Variants in FAM124B observed in about 807,000 individuals in gnomAD.
FAM124B encodes the protein family with sequence similarity 124 member B, also known as protein FAM124B.
FAM124B carries 18 observed loss-of-function variants against 19.7 expected under a neutral mutation model. The ratio of observed to expected loss-of-function variants is 0.92; its 90% CI spans 0.63 to 1.36. The LOEUF (loss-of-function observed/expected upper bound fraction) is 1.36. FAM124B is among the 40% of genes most tolerant of loss of function. The probability of loss-of-function intolerance (pLI) is 0.00; values close to 1 mark genes in which losing one functional copy is unlikely to be tolerated. For missense variants in FAM124B, 540 were observed against 553.3 expected, an observed-to-expected ratio of 0.98 and a Z score of 0.24; for synonymous variants, 223 against 225.2, an observed-to-expected ratio of 0.99 and a Z score of 0.09.
In FAM124B at chr2:224,401,279, C is replaced by T. The variant is rs1417136601; in HGVS notation, c.490G>A (p.Ala164Thr). The change falls in exon 1 of 2, where the codon GCG becomes ACG. Residue 164 changes from alanine (A) to threonine (T), a missense_variant. Transcript: ENST00000409685. ...RLYEMILQRE[A>T]TLQKSNFCFF... ...CAAAAATTGCTCTTTTGCAAGGTCG[C>T]TTCTCTCTGCAGGATCATCTCGTAG... The T allele has an allele frequency of 1.9e-6, 3 of 1,613,958 alleles. No individual in the cohort carries two copies. The highest frequency in any genetic ancestry group is 1.3e-5 in the African/African-American group (1 of 74,882).
At chr2:224,389,934 G>T (rs1689853037) in intron 1 of FAM124B, among the ~76,000 whole-genome samples, 1 of 151,940 alleles carries the variant, frequency 6.6e-6, no homozygotes, top group African/African-American at 2.4e-5. Flanking sequence ...TCACAACTCG[G>T]GGGTGAGTGG....
chr2:224,380,412 T>A (rs1362851618), intron 1 of FAM124B, among the ~76,000 whole-genome samples: 1 of 152,170 alleles, frequency 6.6e-6, no homozygotes, highest in Non-Finnish European at 1.5e-5. Flanking sequence ...TCTTTGGGAC[T>A]CCCTAAATTA....
At chr2:224,390,547 G>A (rs1258358853) in intron 1 of FAM124B, among the ~76,000 whole-genome samples, 2 of 151,992 alleles carry the variant, frequency 1.3e-5, no homozygotes, top group African/African-American at 4.8e-5. Flanking sequence ...AGCTCATCGA[G>A]TGAGCAAACA....
rs1236855427 is a variant in FAM124B at position 224,402,041 on chromosome 2, A to G, written c.-273T>C. 1.4e-5 allele frequency: 6 copies of G among 420,446 alleles called. No homozygotes were observed. Among genetic ancestry groups the G allele is most frequent in the Non-Finnish European group, 2.6e-5 (6 of 233,040 alleles). The allele number at this position is 420,446 out of a possible 1,614,324, so 26.0% of individuals were successfully genotyped here. A position where few individuals can be genotyped will look rare whatever the true frequency, so the allele number is the denominator to read the frequency against. Reference sequence around the variant, plus strand: ...CGTCATCCAGCTTGTGCATAATGTAACTGCTTGTGTTTAGCCTTTTCAGGC... The same window carrying G: ...CGTCATCCAGCTTGTGCATAATGTAGCTGCTTGTGTTTAGCCTTTTCAGGC... On this transcript the variant is annotated 5_prime_UTR_variant, in exon 1 of 2. Transcript: ENST00000409685.
intron 1 of FAM124B, among the ~76,000 whole-genome samples, chr2:224,399,031 C>T (rs969306818): frequency 6.6e-6 from 1 of 152,206 alleles, no homozygotes; most frequent in South Asian, 2.1e-4. Flanking sequence ...AGTGGCCAGG[C>T]TCCTGGGACA....
In FAM124B at chr2:224,379,525, G is replaced by C; in HGVS notation, c.*48C>G. ...ATTCTGGGTCAGTACTCCATTTCTAGAACATTTTATCTGATCTTGTGTTTT... is the reference window on the plus strand; with the variant it reads ...ATTCTGGGTCAGTACTCCATTTCTACAACATTTTATCTGATCTTGTGTTTT... On this transcript the variant is annotated 3_prime_UTR_variant, in exon 2 of 2. Coordinates refer to ENST00000409685, the MANE Select transcript of FAM124B (RefSeq NM_001122779.2). The C allele has an allele frequency of 6.8e-7, 1 of 1,476,656 alleles. No individual in the cohort carries two copies. The highest frequency in any genetic ancestry group is 1.4e-5 in the South Asian group (1 of 69,352). The allele number at this position is 1,476,656 out of a possible 1,614,324, so 91.5% of individuals were successfully genotyped here.
At chr2:224,380,649 T>C (rs1426611366) in intron 1 of FAM124B, among the ~76,000 whole-genome samples, 1 of 152,236 alleles carries the variant, frequency 6.6e-6, no homozygotes, top group Non-Finnish European at 1.5e-5. Flanking sequence ...AAGAATTCAA[T>C]CTTCCAAAGC....
intron 1 of FAM124B, among the ~76,000 whole-genome samples, chr2:224,391,398 ACT>A (rs1382974577): frequency 1.3e-5 from 2 of 151,708 alleles, no homozygotes; most frequent in East Asian, 1.9e-4. Flanking sequence ...ATTTTAAAAA[ACT>A]CTGTTTGCAA....
chr2:224,386,133 G>A (rs1030808027), intron 1 of FAM124B, among the ~76,000 whole-genome samples: 2 of 152,124 alleles, frequency 1.3e-5, no homozygotes, highest in African/African-American at 4.8e-5. Flanking sequence ...TAAGCCCTTG[G>A]ATGTGGCCTG....
At chr2:224,398,967 ACT>A (rs1014033035) in intron 1 of FAM124B, among the ~76,000 whole-genome samples, 8 of 152,068 alleles carry the variant, frequency 5.3e-5, no homozygotes, top group Admixed American at 1.3e-4. Context: ...ACAGAGAGAG[ACT>A]CTGTCTCAAA....
intron 1 of FAM124B, among the ~76,000 whole-genome samples, chr2:224,391,350 A>G (rs532143936): frequency 6.6e-6 from 1 of 151,606 alleles, no homozygotes. Flanking sequence ...TCAAAAAAAA[A>G]AAAAAAAAAG....
intron 1 of FAM124B, among the ~76,000 whole-genome samples, chr2:224,383,063 A>G (rs941574111): frequency 1.7e-4 from 26 of 152,134 alleles, no homozygotes; most frequent in African/African-American, 5.1e-4. Flanking sequence ...GCACCGAAGG[A>G]CCTGTCCTTA....
chr2:224,379,377 G>T lies in FAM124B; in HGVS notation c.*196C>A. ...CTGTGTGTTGGCTGTGTTCTCTTAT[G>T]ACTGTGACGGCAAATAAACAATCAT... On this transcript the variant is annotated 3_prime_UTR_variant, in exon 2 of 2. Coordinates refer to ENST00000409685, the MANE Select transcript of FAM124B (RefSeq NM_001122779.2). 1.3e-6 allele frequency: 1 copy of T among 795,872 alleles called. No homozygotes were observed. The highest frequency in any genetic ancestry group is 1.9e-6 in the Non-Finnish European group (1 of 538,094). The allele number at this position is 795,872 out of a possible 1,614,324, so 49.3% of individuals were successfully genotyped here. A position where few individuals can be genotyped will look rare whatever the true frequency, so the allele number is the denominator to read the frequency against.
intron 1 of FAM124B, among the ~76,000 whole-genome samples, chr2:224,398,550 T>C (rs1690012732): frequency 6.6e-6 from 1 of 152,198 alleles, no homozygotes; most frequent in Admixed American, 6.5e-5. Context: ...CAGAAGGCGA[T>C]CTCTCACTCT....
At chr2:224,388,743 A>AT (rs1159733671) in intron 1 of FAM124B, among the ~76,000 whole-genome samples, 9 of 152,194 alleles carry the variant, frequency 5.9e-5, no homozygotes, top group Non-Finnish European at 1.3e-4. Flanking sequence ...TTTTACCACA[A>AT]TTTTTTTAAA....
chr2:224,395,231 G>T (rs1224530814), intron 1 of FAM124B, among the ~76,000 whole-genome samples: 2 of 152,034 alleles, frequency 1.3e-5, no homozygotes, highest in African/African-American at 2.4e-5. Context: ...AGGTGAATCA[G>T]GGGAGAAGAG....
chr2:224,395,217 C>A (rs1039948707), intron 1 of FAM124B, among the ~76,000 whole-genome samples: 2 of 151,818 alleles, frequency 1.3e-5, no homozygotes, highest in Non-Finnish European at 2.9e-5. Flanking sequence ...ATGAATGCAT[C>A]AGCAGGTGAA....
rs1037073574 is a variant in FAM124B, at chr2:224,379,250, G to A, written c.*323C>T. Reference sequence around the variant, plus strand: ...ACTAATTAGTGTTGTATAACATACCGATTCATTTGCATACAATGCAATTAT... The same window carrying A: ...ACTAATTAGTGTTGTATAACATACCAATTCATTTGCATACAATGCAATTAT... On this transcript the variant is annotated 3_prime_UTR_variant, in exon 2 of 2. Coordinates refer to ENST00000409685, the MANE Select transcript of FAM124B (RefSeq NM_001122779.2). 1.6e-5 allele frequency: 4 copies of A among 251,286 alleles called. No individual in the cohort carries two copies. The highest frequency in any genetic ancestry group is 3.1e-5 in the Non-Finnish European group (4 of 130,414). 15.6% of individuals were successfully genotyped at this position (251,286 alleles called of 1,614,324 possible).
chr2:224,398,260 G>T (rs1307453630), intron 1 of FAM124B, among the ~76,000 whole-genome samples: 1 of 152,072 alleles, frequency 6.6e-6, no homozygotes, highest in Admixed American at 6.6e-5. Context: ...ATCATGCCCA[G>T]CTAGTTTTTG....
Sources: allele counts gnomAD v4.1 joint callset (sites outside exome capture counted in the v4.1 genomes callset), GRCh38; gene constraint gnomAD v4.1.1; transcripts MANE v1.5; gene names NCBI Gene and HGNC (gene_info 2026-07-23, HGNC 2026-07-21).